IPMK: variants seen among roughly 807,000 people sequenced by gnomAD.
IPMK encodes the protein inositol 1,3,4,6-tetrakisphosphate 5-kinase.
In IPMK, 17 loss-of-function variants were observed where a neutral mutation model predicts 45.8. That is an observed-to-expected ratio of 0.37 (90% CI 0.25 to 0.56). The LOEUF (loss-of-function observed/expected upper bound fraction) is 0.56, where lower values mean the gene tolerates loss of function less well. IPMK is among the 20% of genes least tolerant of loss of function. The pLI is 0.79. For missense variants in IPMK, 399 were observed against 498.0 expected (o/e 0.80, Z 1.89); for synonymous variants, 180 against 184.3 (o/e 0.98, Z 0.19).
At chr10:58,212,580 G>A (rs1346722700) in intron 4 of IPMK, 4 of 229,688 alleles carry the variant, frequency 1.7e-5, no homozygotes, top group Non-Finnish European at 4.0e-5. Context: ...ATCATTTATG[G>A]GATCACTATC....
chr10:58,246,102 T>A (rs1394760115), intron 1 of IPMK, among the ~76,000 whole-genome samples: 2 of 130,778 alleles, frequency 1.5e-5, no homozygotes, highest in African/African-American at 3.7e-5. Flanking sequence ...ACAAGGGATG[T>A]GAAGGACCTC....
rs1331611867 is a variant in IPMK, at chr10:58,227,120, A to G, written c.296T>C (p.Phe99Ser). The G allele has an allele frequency of 1.9e-6, 3 of 1,612,916 alleles. No individual in the cohort carries two copies. The highest frequency in any genetic ancestry group is 2.5e-6 in the Non-Finnish European group (3 of 1,179,314). ...TCGTAGCTCTAGAAGAACACCATCA[A>G]AACAGTCAGCAGCATAAACCTGAAA... is the stretch of plus-strand genomic sequence containing the variant. ...FYNMVYAADC[F>S]DGVLLELRKY... is the part of the protein sequence containing the mutation. The change falls in exon 3 of 6, where the codon TTT becomes TCT. Residue 99 changes from phenylalanine to serine, a missense_variant. By Grantham distance (155) the Phe-to-Ser change is radical. Around this residue, in one of 2 missense-constraint regions of IPMK, gnomAD observed 288 missense variants for 398.0 expected, o/e 0.72. Coordinates refer to ENST00000373935, the MANE Select transcript of IPMK (RefSeq NM_152230.5).
intron 4 of IPMK, among the ~76,000 whole-genome samples, chr10:58,211,858 G>A (rs1838165112): frequency 7.5e-6 from 1 of 133,008 alleles, no homozygotes; most frequent in South Asian, 2.4e-4. Flanking sequence ...GCTGCAGGGA[G>A]CCATGATCTT....
chr10:58,267,360 C>T (rs1839163931), intron 1 of IPMK, 62 bp downstream of exon 1: 2 of 1,560,610 alleles, frequency 1.3e-6, no homozygotes, highest in Admixed American at 3.4e-5. Context: ...AGGCTGCCTC[C>T]GCTGACAGGG....
At chr10:58,221,245 T>C (rs1198615794) in intron 3 of IPMK, among the ~76,000 whole-genome samples, 3 of 152,162 alleles carry the variant, frequency 2.0e-5, no homozygotes, top group Non-Finnish European at 2.9e-5. Context: ...TAACCTCAAG[T>C]ATGCCCTTAA....
At chr10:58,261,089 A>G (rs2132267711) in intron 1 of IPMK, among the ~76,000 whole-genome samples, 1 of 117,782 alleles carries the variant, frequency 8.5e-6, no homozygotes, top group East Asian at 2.4e-4. Context: ...AATTGATTGA[A>G]TATGCACGGC....
intron 1 of IPMK, among the ~76,000 whole-genome samples, chr10:58,263,580 G>A (rs111545272): frequency 6.6e-6 from 1 of 151,936 alleles, no homozygotes; most frequent in Non-Finnish European, 1.5e-5. Context: ...GGCTACTCAG[G>A]AGGCTGAGGC....
chr10:58,220,694 T>G (rs533768036), intron 3 of IPMK, among the ~76,000 whole-genome samples: 1 of 152,344 alleles, frequency 6.6e-6, no homozygotes, highest in African/African-American at 2.4e-5. Context: ...TAAAATTTCA[T>G]ACATTCCATA....
chr10:58,242,253 C>G (rs1311046759), intron 1 of IPMK, among the ~76,000 whole-genome samples: 1 of 151,834 alleles, frequency 6.6e-6, no homozygotes, highest in Non-Finnish European at 1.5e-5. Flanking sequence ...GTAAGGAGAT[C>G]GAGACCATCT....
intron 4 of IPMK, chr10:58,212,857 CCCTCGGG>C: frequency 4.3e-6 from 1 of 231,294 alleles, no homozygotes; most frequent in Non-Finnish European, 9.6e-6. Context: ...GGTACCTTTG[CCCTCGGG>C]ACCTTCAGCA....
At chr10:58,217,688 C>CA (rs11393849) in intron 3 of IPMK, among the ~76,000 whole-genome samples, 10,111 of 49,064 alleles carry the variant, frequency 0.21, 970 homozygotes, top group Middle Eastern at 0.28. Context: ...AACTCCATCT[C>CA]AAAAAAAAAA....
chr10:58,261,717 G>C (rs1472138433), intron 1 of IPMK, among the ~76,000 whole-genome samples: 1 of 151,832 alleles, frequency 6.6e-6, no homozygotes, highest in Non-Finnish European at 1.5e-5. Context: ...TGAGTAGCTG[G>C]GACTATAGGC....
At chr10:58,210,709 T>C (rs72795650) in intron 4 of IPMK, among the ~76,000 whole-genome samples, 11,661 of 152,244 alleles carry the variant, frequency 0.077, 521 homozygotes, top group Non-Finnish European at 0.089. Context: ...TAAGGTTAAA[T>C]CCTCCAACTG....
intron 4 of IPMK, among the ~76,000 whole-genome samples, chr10:58,204,952 A>G (rs895128595): frequency 5.3e-5 from 8 of 152,208 alleles, no homozygotes; most frequent in African/African-American, 1.9e-4. Context: ...TTTAATTCCA[A>G]CAAGGGTATC....
At chr10:58,266,662 G>A (rs992455870) in intron 1 of IPMK, among the ~76,000 whole-genome samples, 2 of 152,184 alleles carry the variant, frequency 1.3e-5, no homozygotes, top group African/African-American at 4.8e-5. Context: ...GGGTAAACTA[G>A]ATGAATTAGA....
chr10:58,257,892 C>T (rs924580734), intron 1 of IPMK, among the ~76,000 whole-genome samples: 1 of 152,128 alleles, frequency 6.6e-6, no homozygotes, highest in Non-Finnish European at 1.5e-5. Context: ...ATATAAAAAT[C>T]CTAAATAAGT....
intron 1 of IPMK, among the ~76,000 whole-genome samples, chr10:58,239,029 G>A (rs550841939): frequency 1.3e-5 from 2 of 152,206 alleles, no homozygotes; most frequent in African/African-American, 4.8e-5. Context: ...TGTGTCTATA[G>A]TCCCAGCTAC....
At chr10:58,245,611 C>CAA (rs35191082) in intron 1 of IPMK, among the ~76,000 whole-genome samples, 42,623 of 124,098 alleles carry the variant, frequency 0.34, 7,875 homozygotes, top group African/African-American at 0.56. Context: ...GACTCTGTCT[C>CAA]AAAAAAAAAA....
chr10:58,257,203 G>T (rs1838982923), intron 1 of IPMK, among the ~76,000 whole-genome samples: 1 of 152,134 alleles, frequency 6.6e-6, no homozygotes, highest in Non-Finnish European at 1.5e-5. Context: ...TAAACACAGG[G>T]TATTTCAACA....
Sources: gnomAD v4.1 joint callset for allele counts (sites outside exome capture counted in the v4.1 genomes callset) on GRCh38, gnomAD v4.1.1 for gene constraint, gnomAD v4.1.1 regional missense constraint, MANE v1.5 for transcripts, NCBI Gene and HGNC (gene_info 2026-07-23, HGNC 2026-07-21) for gene names.